Variants in SUMF1 observed in about 807,000 individuals in gnomAD.
SUMF1 encodes sulfatase modifying factor 1.
SUMF1 carries 48 observed loss-of-function variants against 47.6 expected under a neutral mutation model. The observed-to-expected ratio is 1.01, with a 90% CI of 0.80 to 1.28. The LOEUF (loss-of-function observed/expected upper bound fraction) is 1.28. Among genes scored for constraint, SUMF1 ranks in the 50% most tolerant of loss-of-function variants. The pLI, the probability that SUMF1 is intolerant of heterozygous loss-of-function variation, is 0.00. For synonymous variants in SUMF1, 230 were observed against 192.1 expected, an observed-to-expected ratio of 1.20 and a Z score of -1.63; for missense variants, 571 against 485.4, an observed-to-expected ratio of 1.18 and a Z score of -1.66.
chr3:4,133,554 T>C (rs1413905549), intron 8 of SUMF1, among the ~76,000 whole-genome samples: 1 of 152,156 alleles, frequency 6.6e-6, no homozygotes, highest in Non-Finnish European at 1.5e-5. Flanking sequence ...ACCCTTAATC[T>C]GGGTGGGCAC....
At chr3:4,219,291 A>G (rs768347770) in intron 8 of SUMF1, among the ~76,000 whole-genome samples, 3 of 152,194 alleles carry the variant, frequency 2.0e-5, no homozygotes, top group Admixed American at 1.3e-4. Flanking sequence ...TTACAAATCA[A>G]TGAAGAGGCA....
chr3:4,095,117 T>C (rs1157178116), intron 8 of SUMF1, among the ~76,000 whole-genome samples: 1 of 152,094 alleles, frequency 6.6e-6, no homozygotes, highest in Non-Finnish European at 1.5e-5. Context: ...ACAGGATAGA[T>C]CTCTCTAAAT....
chr3:4,195,104 T>C (rs1695400459), intron 8 of SUMF1, among the ~76,000 whole-genome samples: 1 of 152,124 alleles, frequency 6.6e-6, no homozygotes, highest in Non-Finnish European at 1.5e-5. Flanking sequence ...GTCTGTTCTC[T>C]ATAGCAAGGA....
At chr3:4,388,854 A>C (rs142994925) in intron 7 of SUMF1, among the ~76,000 whole-genome samples, 83 of 152,284 alleles carry the variant, frequency 5.5e-4, no homozygotes, top group African/African-American at 1.9e-3. Context: ...AGTTCCAGTG[A>C]AGCATCAAAA....
At chr3:4,276,680 A>G (rs919205641) in intron 8 of SUMF1, among the ~76,000 whole-genome samples, 1 of 152,110 alleles carries the variant, frequency 6.6e-6, no homozygotes, top group African/African-American at 2.4e-5. Context: ...TAAATTTTCT[A>G]TGGTTCTTGG....
intron 3 of SUMF1, among the ~76,000 whole-genome samples, chr3:4,448,763 A>G (rs1234076243): frequency 6.6e-6 from 1 of 152,212 alleles, no homozygotes; most frequent in Non-Finnish European, 1.5e-5. Flanking sequence ...ACACCCCTGC[A>G]TGTAAAGAAC....
At chr3:4,366,354 C>A (rs369198959) in intron 8 of SUMF1, among the ~76,000 whole-genome samples, 9 of 152,284 alleles carry the variant, frequency 5.9e-5, no homozygotes, top group African/African-American at 9.6e-5. Context: ...CAGGTACACC[C>A]ATCAGACGTA....
At chr3:4,401,988 G>A (rs558230345) in intron 7 of SUMF1, among the ~76,000 whole-genome samples, 2 of 152,278 alleles carry the variant, frequency 1.3e-5, no homozygotes, top group South Asian at 2.1e-4. Flanking sequence ...TCTTGAAACA[G>A]CTCTACTGCT....
intron 8 of SUMF1, among the ~76,000 whole-genome samples, chr3:4,352,428 T>C (rs1378701251): frequency 6.6e-6 from 1 of 152,060 alleles, no homozygotes; most frequent in Admixed American, 6.6e-5. Context: ...TACCGCACAA[T>C]GAACACAGTC....
intron 7 of SUMF1, among the ~76,000 whole-genome samples, chr3:4,410,174 CT>C (rs377534784): frequency 1.4e-4 from 21 of 152,342 alleles, no homozygotes; most frequent in African/African-American, 5.1e-4. Flanking sequence ...AAAGGAAGCA[CT>C]TTCCACACAC....
At chr3:4,346,990 T>G (rs1022662455) in intron 8 of SUMF1, among the ~76,000 whole-genome samples, 1 of 152,134 alleles carries the variant, frequency 6.6e-6, no homozygotes, top group Non-Finnish European at 1.5e-5. Flanking sequence ...CAGGAAGAAG[T>G]TGAATCCCTG....
chr3:4,460,329 C>G (rs1610188), intron 1 of SUMF1, among the ~76,000 whole-genome samples: 32,027 of 151,988 alleles, frequency 0.21, 4,068 homozygotes, highest in Non-Finnish European at 0.3. Flanking sequence ...TTTTAAACCA[C>G]GTAAATATAC....
At chr3:4,044,934 G>T (rs992822652) in intron 9 of SUMF1, among the ~76,000 whole-genome samples, 1 of 151,692 alleles carries the variant, frequency 6.6e-6, no homozygotes, top group Non-Finnish European at 1.5e-5. Context: ...TACTTAAAGA[G>T]ATATTTTAAC....
At chr3:4,319,965 A>T (rs1048369071) in intron 8 of SUMF1, among the ~76,000 whole-genome samples, 3 of 152,216 alleles carry the variant, frequency 2.0e-5, no homozygotes, top group African/African-American at 7.2e-5. Flanking sequence ...ACAATAGAGA[A>T]TAAAAATGTC....
intron 8 of SUMF1, among the ~76,000 whole-genome samples, chr3:4,291,385 C>G (rs948345171): frequency 6.6e-6 from 1 of 152,064 alleles, no homozygotes; most frequent in African/African-American, 2.4e-5. Flanking sequence ...CTCATCTCTG[C>G]TCTCTCTCCT....
At chr3:4,442,389 G>A (rs1575227659) in intron 3 of SUMF1, among the ~76,000 whole-genome samples, 1 of 150,774 alleles carries the variant, frequency 6.6e-6, no homozygotes, top group South Asian at 2.1e-4. Context: ...CCGAGTAGCT[G>A]GGACTACAGG....
At chr3:4,372,921 TAAAC>T (rs1700211257) in intron 8 of SUMF1, among the ~76,000 whole-genome samples, 1 of 152,202 alleles carries the variant, frequency 6.6e-6, no homozygotes, top group African/African-American at 2.4e-5. Flanking sequence ...ACCAACCTAA[TAAAC>T]AATTCATTTG....
chr3:4,449,377 T>C (rs752939247), intron 2 of SUMF1, 37 bp from the exon 3 acceptor site: 5 of 1,603,408 alleles, frequency 3.1e-6, no homozygotes, highest in Admixed American at 1.7e-5. Flanking sequence ...CCAGAAAAGG[T>C]TGTAGTAATG....
chr3:4,417,987 G>C lies in SUMF1; in HGVS notation c.725+23C>G, dbSNP rs564696451. The C allele has an allele frequency of 3.5e-5, 57 of 1,613,616 alleles. 1 individual carries two copies. The South Asian group carries it at 6.3e-4, about 18-fold the overall frequency. ...GTTCAAATGACCAACATATTGTCAG[G>C]CAAAATGAGATCCTCTAAATACCTA... On this transcript the variant is annotated intron_variant, in intron 5 of 8. Coordinates refer to ENST00000272902, the MANE Select transcript of SUMF1 (RefSeq NM_182760.4).
Sources: allele counts gnomAD v4.1 joint callset (sites outside exome capture counted in the v4.1 genomes callset), GRCh38; gene constraint gnomAD v4.1.1; transcripts MANE v1.5; gene names NCBI Gene and HGNC (gene_info 2026-07-23, HGNC 2026-07-21).